Variants in HDX observed in about 807,000 individuals in gnomAD.
HDX encodes the protein chromosome X open reading frame 43.
In HDX, 19 loss-of-function variants were observed where a neutral mutation model predicts 45.2. The observed-to-expected ratio is 0.42, with a 90% CI of 0.29 to 0.62. The LOEUF (loss-of-function observed/expected upper bound fraction) is 0.62, where lower values mean the gene tolerates loss of function less well. HDX is among the 20% of genes least tolerant of loss of function. The pLI is 0.20. For missense variants in HDX, 532 were observed against 493.9 expected, an observed-to-expected ratio of 1.08 and a Z score of -0.73; for synonymous variants, 188 against 172.8, an observed-to-expected ratio of 1.09 and a Z score of -0.69.
At chrX:84,358,865 T>C (rs1007766951) in intron 6 of HDX, among the ~76,000 whole-genome samples, 2 of 110,920 alleles carry the variant, frequency 1.8e-5, no homozygotes, top group Non-Finnish European at 3.8e-5. Flanking sequence ...CCTGGCTCTT[T>C]GTCACTTCTT....
At chrX:84,350,161 A>G (rs939808981) in intron 6 of HDX, among the ~76,000 whole-genome samples, 1 of 111,710 alleles carries the variant, frequency 9.0e-6, no homozygotes, top group African/African-American at 3.3e-5. Context: ...TCTTTCTGTT[A>G]TTGATTTCTA....
chrX:84,438,475 C>T (rs761577901), intron 5 of HDX, among the ~76,000 whole-genome samples: 1 of 109,858 alleles, frequency 9.1e-6, no homozygotes, highest in South Asian at 3.9e-4. Flanking sequence ...GGCTTCAGGT[C>T]CCAATGATCC....
In HDX at chrX:84,321,215, C is replaced by T. The variant is rs2036590894; in HGVS notation, c.*674G>A. 6.3e-5 allele frequency: 7 copies of T among 110,538 alleles called. No individual in the cohort carries two copies. The Admixed American group carries it at 6.8e-4, about 11-fold the overall frequency. 9.1% of individuals were successfully genotyped at this position (110,538 alleles called of 1,213,427 possible). On this transcript the variant is annotated 3_prime_UTR_variant, in exon 11 of 11. Coordinates refer to ENST00000373177, the MANE Select transcript of HDX (RefSeq NM_001177479.2). Reference sequence around the variant, plus strand: ...GACAACATTTTGTTTCTGTACACTTCGTAATTTATTTGACGTTATGTTGGT... The same window carrying T: ...GACAACATTTTGTTTCTGTACACTTTGTAATTTATTTGACGTTATGTTGGT...
At chrX:84,442,327 C>T (rs975601231) in intron 4 of HDX, among the ~76,000 whole-genome samples, 3 of 111,278 alleles carry the variant, frequency 2.7e-5, no homozygotes, top group African/African-American at 9.8e-5. Flanking sequence ...AATTAATATT[C>T]TCAGTTATTC....
At chrX:84,439,168 GT>G (rs914438212) in intron 5 of HDX, among the ~76,000 whole-genome samples, 6 of 111,034 alleles carry the variant, frequency 5.4e-5, no homozygotes, top group African/African-American at 1.3e-4. Flanking sequence ...GATGTTCAAC[GT>G]TTTTTTCATG....
chrX:84,461,634 G>A (rs2040239800), intron 4 of HDX, among the ~76,000 whole-genome samples: 1 of 111,655 alleles, frequency 9.0e-6, no homozygotes, highest in Non-Finnish European at 1.9e-5. Flanking sequence ...TACTCCACAA[G>A]CACAGGAAAC....
chrX:84,332,528 A>C (rs892910280), intron 9 of HDX, among the ~76,000 whole-genome samples: 3 of 110,880 alleles, frequency 2.7e-5, no homozygotes, highest in Non-Finnish European at 3.8e-5. Flanking sequence ...CTTGGAAAGA[A>C]TCCTCTGAGT....
chrX:84,432,267 G>A (rs770859754), intron 5 of HDX, among the ~76,000 whole-genome samples: 5 of 111,878 alleles, frequency 4.5e-5, no homozygotes, highest in Non-Finnish European at 9.4e-5. Flanking sequence ...GTCAAGTAAT[G>A]TGATGCCTCT....
chrX:84,497,566 T>A (rs2041027252), intron 1 of HDX, among the ~76,000 whole-genome samples: 1 of 110,694 alleles, frequency 9.0e-6, no homozygotes, highest in Admixed American at 9.7e-5. Flanking sequence ...CCCTTTCCCC[T>A]TAACTTCAGC....
At chrX:84,429,843 AT>A (rs935353472) in intron 5 of HDX, among the ~76,000 whole-genome samples, 2 of 109,656 alleles carry the variant, frequency 1.8e-5, no homozygotes, top group Non-Finnish European at 3.8e-5. Flanking sequence ...AGAAAGGTCC[AT>A]TTTTTTTGCA....
chrX:84,385,259 G>C, intron 5 of HDX, among the ~76,000 whole-genome samples: 1 of 78,969 alleles, frequency 1.3e-5, no homozygotes, highest in East Asian at 4.4e-4. Context: ...TGTCGCCCAG[G>C]CTGGAGTGCA....
At chrX:84,460,778 T>C (rs750609130) in intron 4 of HDX, among the ~76,000 whole-genome samples, 2 of 112,044 alleles carry the variant, frequency 1.8e-5, no homozygotes, top group African/African-American at 3.2e-5. Flanking sequence ...GATATAATCA[T>C]GTATTTGGAA....
At chrX:84,389,173 T>A (rs1441176060) in intron 5 of HDX, among the ~76,000 whole-genome samples, 1 of 112,242 alleles carries the variant, frequency 8.9e-6, no homozygotes, top group Non-Finnish European at 1.9e-5. Context: ...TCCTTTGTAC[T>A]TTTTGTCATT....
At chrX:84,386,539 T>C (rs6616935) in intron 5 of HDX, among the ~76,000 whole-genome samples, 3 of 111,773 alleles carry the variant, frequency 2.7e-5, no homozygotes, top group East Asian at 5.6e-4. Context: ...AGTTTGATAT[T>C]GGTGTATTCT....
intron 5 of HDX, among the ~76,000 whole-genome samples, chrX:84,418,368 C>T (rs1244620259): frequency 9.0e-6 from 1 of 110,889 alleles, no homozygotes; most frequent in African/African-American, 3.3e-5. Flanking sequence ...GAAAATAATG[C>T]GTGAAAAAAA....
intron 6 of HDX, among the ~76,000 whole-genome samples, chrX:84,355,665 G>A (rs963144874): frequency 1.2e-4 from 13 of 109,054 alleles, no homozygotes; most frequent in Non-Finnish European, 2.3e-4. Flanking sequence ...ACAATGAGAA[G>A]ACTTGGACAC....
intron 2 of HDX, among the ~76,000 whole-genome samples, chrX:84,484,137 A>G (rs1316345682): frequency 8.9e-6 from 1 of 111,919 alleles, no homozygotes; most frequent in African/African-American, 3.2e-5. Flanking sequence ...CTTCTGAGCC[A>G]TCCAAACTGT....
At chrX:84,352,440 T>C (rs2037381732) in intron 6 of HDX, among the ~76,000 whole-genome samples, 1 of 112,351 alleles carries the variant, frequency 8.9e-6, no homozygotes, top group African/African-American at 3.2e-5. Flanking sequence ...GAAATACTAG[T>C]TTAAAAAGGA....
intron 4 of HDX, among the ~76,000 whole-genome samples, 188 bp from the exon 5 acceptor site, chrX:84,440,773 T>G (rs1455582807): frequency 9.0e-6 from 1 of 111,083 alleles, no homozygotes; most frequent in East Asian, 2.8e-4. Flanking sequence ...TGAAAAAAAT[T>G]GAAAAGTGGG....
Sources: allele counts gnomAD v4.1 joint callset (sites outside exome capture counted in the v4.1 genomes callset), GRCh38; gene constraint gnomAD v4.1.1; transcripts MANE v1.5; gene names NCBI Gene and HGNC (gene_info 2026-07-23, HGNC 2026-07-21).